The following TBC1D9B variants were observed in gnomAD, a reference collection of about 807,000 sequenced individuals.
TBC1D9B encodes the protein TBC1 domain family member 9B.
TBC1D9B carries 87 observed loss-of-function variants against 121.1 expected under a neutral mutation model. The observed-to-expected ratio is 0.72, with a 90% confidence interval of 0.60 to 0.86. The LOEUF (loss-of-function observed/expected upper bound fraction) is 0.86, where lower values mean the gene tolerates loss of function less well. TBC1D9B is among the 40% of genes least tolerant of loss of function. The pLI is 0.00. For missense variants in TBC1D9B, 1,540 were observed against 1,628.6 expected (o/e 0.95, Z 0.94); for synonymous variants, 668 against 670.1 (o/e 1.00, Z 0.05).
Position 179,893,251 on chromosome 5 carries a change from G to T in TBC1D9B, c.794C>A (p.Pro265His). The T allele has an allele frequency of 6.2e-7, 1 of 1,613,388 alleles. No individual in the cohort carries two copies. The highest frequency in any genetic ancestry group is 8.5e-7 in the Non-Finnish European group (1 of 1,180,016). ...GTTCCTGTGTGGCCGGATGGGCCTA[G>T]GCAGGGCCTTGTCCTCCAGGAAGCC... The part of the protein sequence containing the change: ...SEGFLEDKAL[P>H]RPIRPHRNIS... Residue 265 changes from proline (P) to histidine (H), a missense_variant, in exon 5 of 21, where the codon CCT (proline) becomes CAT (histidine). Pro to His is a moderately conservative substitution (Grantham distance 77, BLOSUM62 -2). Transcript: ENST00000355235.
chr5:179,898,778 T>A (rs1253507216), intron 3 of TBC1D9B, among the ~76,000 whole-genome samples: 1 of 152,220 alleles, frequency 6.6e-6, no homozygotes, highest in Non-Finnish European at 1.5e-5. Context: ...CATATATGAA[T>A]ACACTGTAGG....
rs139773780 is a variant in TBC1D9B at position 179,905,287 on chromosome 5, C to G, written c.119-475G>C. 1.3e-3 allele frequency among the ~76,000 whole-genome samples: 200 copies of G among 152,322 alleles called. 1 individual carries two copies. The highest frequency in any genetic ancestry group is 6.8e-3 in the Middle Eastern group (2 of 294). On this transcript the variant is annotated intron_variant, in intron 1 of 20. Coordinates refer to ENST00000355235, the MANE Select transcript of TBC1D9B (RefSeq NM_015043.4). ...CGTCTCCTGAAATACGTCTTCCGGA[C>G]AGTTCTGGTCCTGTACTCATCGCTT...
chr5:179,888,105 C>T lies in TBC1D9B; in HGVS notation c.1252G>A (p.Glu418Lys), dbSNP rs778794716. ...GCTGCTCCCAAGGGGCTTCTCACCT[C>T]TGTGCTAGGGTCCACAACACTGGCT... ...RKASVVDPST[E>K]SSPAPQEGSE... Residue 418 changes from glutamate (E) to lysine (K), a missense_variant and splice_region_variant, in exon 7 of 21, where the codon GAG (glutamate) becomes AAG (lysine). Transcript: ENST00000355235. 2 of 1,613,598 alleles carry T rather than the reference C, an allele frequency of 1.2e-6. No homozygotes were observed. Among genetic ancestry groups the T allele is most frequent in the African/African-American group, 2.7e-5 (2 of 75,016 alleles).
intron 5 of TBC1D9B, among the ~76,000 whole-genome samples, chr5:179,892,032 G>A (rs1226154503): frequency 6.6e-6 from 1 of 152,232 alleles, no homozygotes; most frequent in Non-Finnish European, 1.5e-5. Context: ...CCACAGGGAG[G>A]TGTGGAGCTT....
At chr5:179,872,856 A>AC in intron 14 of TBC1D9B, 36 bp downstream of exon 14, 12 of 868,356 alleles carry the variant, frequency 1.4e-5, no homozygotes, top group Non-Finnish European at 1.5e-5. Context: ...CTGCCCCCCC[A>AC]GCCCAGCCCC....
chr5:179,879,099 G>C lies in TBC1D9B; in HGVS notation c.1515C>G (p.Val505=), dbSNP rs1178581753. The change falls in exon 9 of 21, where the codon GTC becomes GTG. Residue 505 remains valine (V), a synonymous_variant. Transcript: ENST00000355235. ...MYRTAKTRAL[V]LKGIPESLRG... is the part of the protein sequence containing the mutation. Reference sequence around the variant, plus strand: ...GGAGGCTCTCAGGGATACCCTTCAGGACCAGTGCCCGCGTCTTGGCTGTGC... The same window carrying C: ...GGAGGCTCTCAGGGATACCCTTCAGCACCAGTGCCCGCGTCTTGGCTGTGC... 1.9e-6 allele frequency: 3 copies of C among 1,607,398 alleles called. No homozygotes were observed. Among genetic ancestry groups the C allele is most frequent in the Middle Eastern group, 1.7e-4 (1 of 6,058 alleles).
intron 14 of TBC1D9B, 42 bp downstream of exon 14, chr5:179,872,850 C>T (rs752613747): frequency 1.4e-6 from 2 of 1,468,788 alleles, no homozygotes; most frequent in South Asian, 1.2e-5. Context: ...GCACTGCTGC[C>T]CCCCCAGCCC....
intron 7 of TBC1D9B, among the ~76,000 whole-genome samples, chr5:179,883,930 C>A (rs2113626589): frequency 6.6e-6 from 1 of 152,164 alleles, no homozygotes; most frequent in East Asian, 1.9e-4. Context: ...GTAGTCCTTG[C>A]TCCTGTACTT....
Position 179,891,578 on chromosome 5 carries a change from T to C in TBC1D9B, c.845A>G (p.Asp282Gly). 1 of 1,612,682 alleles carries C rather than the reference T, an allele frequency of 6.2e-7. No homozygotes were observed. The highest frequency in any genetic ancestry group is 8.5e-7 in the Non-Finnish European group (1 of 1,179,834). The change falls in exon 6 of 21, where the codon GAC becomes GGC. Residue 282 changes from aspartate (D) to glycine (G), a missense_variant. Asp to Gly is a moderately conservative substitution (Grantham distance 94). Coordinates refer to ENST00000355235, the MANE Select transcript of TBC1D9B (RefSeq NM_015043.4). The surrounding 1 kb of genome is among the most constrained non-coding windows in gnomAD (Gnocchi z 4.3). ...RNISALKRDL[D>G]ARAKNECYRA... is the part of the protein sequence containing the mutation. ...GTAGCACTCATTCTTGGCTCGGGCG[T>C]CCAGGTCTCTGGGGAAACAAGGTAG...
At chr5:179,894,058 C>T (rs1231749516) in intron 4 of TBC1D9B, among the ~76,000 whole-genome samples, 1 of 152,100 alleles carries the variant, frequency 6.6e-6, no homozygotes, top group East Asian at 1.9e-4. Context: ...GGCTGTGGCA[C>T]GCACCCAAGG....
rs1760351726 is a variant in TBC1D9B at position 179,876,030 on chromosome 5, T to A, written c.1790A>T (p.Asn597Ile). 3 of 1,612,350 alleles carry A rather than the reference T, an allele frequency of 1.9e-6. No homozygotes were observed. The highest frequency in any genetic ancestry group is 3.3e-5 in the Admixed American group (2 of 59,872). ...GAGCAGGAGCACCGAGGTCACGATG[T>A]TCATTGCCTGCCGGGCACAGAGACA... Reference protein sequence around the residue: ...NPTIGYCQAMNIVTSVLLLYG... With the variant: ...NPTIGYCQAMIIVTSVLLLYG... Residue 597 changes from asparagine to isoleucine, a missense_variant, in exon 11 of 21, where the codon AAC (asparagine) becomes ATC (isoleucine). Coordinates refer to ENST00000355235, the MANE Select transcript of TBC1D9B (RefSeq NM_015043.4).
Position 179,891,392 on chromosome 5 carries a change from A to G in TBC1D9B, c.1031T>C (p.Ile344Thr). The change falls in exon 6 of 21, where the codon ATA (isoleucine) becomes ACA (threonine). Residue 344 changes from isoleucine to threonine, a missense_variant. By Grantham distance (89) the Ile-to-Thr change is moderately conservative (BLOSUM62 -1). Coordinates refer to ENST00000355235, the MANE Select transcript of TBC1D9B (RefSeq NM_015043.4). This position sits in a 1 kb window ranked among gnomAD's most constrained non-coding sequence, Gnocchi z 4.3. ...GGGGATGCTGACCTCCCTCAGGGGT[A>G]TGATGAGGTGGCAAGCGTCCTCCTC... Reference protein sequence around the residue: ...SKEEDACHLIIPLREVTIVEK... With the variant: ...SKEEDACHLITPLREVTIVEK... 1 of 1,614,216 alleles carries G rather than the reference A, an allele frequency of 6.2e-7. No homozygotes were observed. Among genetic ancestry groups the G allele is most frequent in the Non-Finnish European group, 8.5e-7 (1 of 1,180,028 alleles).
At chr5:179,879,584 C>T (rs1181334344) in intron 8 of TBC1D9B, 44 bp downstream of exon 8, 1 of 1,612,846 alleles carries the variant, frequency 6.2e-7, no homozygotes, top group South Asian at 1.1e-5. Flanking sequence ...CTCCTGAGGG[C>T]TCCGCTCTTG....
rs756134732 is a variant in TBC1D9B, at chr5:179,870,407, C to T, written c.2573G>A (p.Arg858Gln). 1.6e-5 allele frequency: 26 copies of T among 1,613,586 alleles called. No individual in the cohort carries two copies. The highest frequency in any genetic ancestry group is 4.0e-5 in the African/African-American group (3 of 74,940). Reference sequence around the variant, plus strand: ...TTCCCGGAACTGGCTGGCATCAATCCGGTACTGCTCCAGGTAGGGCAGGCT... The same window carrying T: ...TTCCCGGAACTGGCTGGCATCAATCTGGTACTGCTCCAGGTAGGGCAGGCT... ...DPSLPYLEQYRIDASQFRELF... is the reference protein window; with the variant it reads ...DPSLPYLEQYQIDASQFRELF... The change falls in exon 16 of 21, where the codon CGG becomes CAG. Residue 858 changes from arginine (R) to glutamine (Q), a missense_variant. By Grantham distance (43) the Arg-to-Gln change is conservative. Coordinates refer to ENST00000355235, the MANE Select transcript of TBC1D9B (RefSeq NM_015043.4).
intron 4 of TBC1D9B, 114 bp downstream of exon 4, chr5:179,894,271 AT>A: frequency 1.0e-6 from 1 of 1,002,090 alleles, no homozygotes; most frequent in Non-Finnish European, 1.5e-6. Flanking sequence ...CTAAGGTGGC[AT>A]TTGGGTTTCA....
intron 3 of TBC1D9B, among the ~76,000 whole-genome samples, 172 bp from the exon 4 acceptor site, chr5:179,894,786 A>G (rs990984435): frequency 8.5e-5 from 13 of 152,220 alleles, no homozygotes; most frequent in African/African-American, 3.1e-4. Flanking sequence ...CACATGGATG[A>G]GAGACGCTGC....
intron 2 of TBC1D9B, 47 bp from the exon 3 acceptor site, chr5:179,899,354 GCC>G (rs1366169209): frequency 1.3e-6 from 2 of 1,510,202 alleles, no homozygotes; most frequent in Admixed American, 3.5e-5. Flanking sequence ...AATTCCCCAG[GCC>G]TTAAACGCAC....
chr5:179,869,860 G>A (rs563702909), intron 16 of TBC1D9B, 26 bp from the exon 17 acceptor site: 1 of 1,529,612 alleles, frequency 6.5e-7, no homozygotes, highest in Non-Finnish European at 8.8e-7. Context: ...GGGAGGGCTG[G>A]GTCTGGCAAC....
At position 179,894,367 on chromosome 5, in the gene TBC1D9B, C is replaced by T; in HGVS notation, c.577+19G>A. ...GGCTGAGGGTGTGGGGGCTGGGGCA[C>T]ACTGAGGGGCGGGCTCACCTTCCTT... is the stretch of plus-strand genomic sequence containing the variant. On this transcript the variant is annotated intron_variant, in intron 4 of 20. Transcript: ENST00000355235. The T allele has an allele frequency of 6.3e-7, 1 of 1,598,086 alleles. No individual in the cohort carries two copies. The highest frequency in any genetic ancestry group is 8.5e-7 in the Non-Finnish European group (1 of 1,172,612).
Sources: gnomAD v4.1 joint callset for allele counts (sites outside exome capture counted in the v4.1 genomes callset) on GRCh38, gnomAD v4.1.1 for gene constraint, Gnocchi (gnomAD v3.1) non-coding constraint, MANE v1.5 for transcripts, NCBI Gene and HGNC (gene_info 2026-07-23, HGNC 2026-07-21) for gene names.